The following TRHDE variants were observed in gnomAD, a reference collection of about 807,000 sequenced individuals.
The protein encoded by TRHDE is thyrotropin releasing hormone degrading enzyme, also known as thyrotropin-releasing hormone-degrading ectoenzyme.
Under a neutral mutation model 125.7 loss-of-function variants are expected in TRHDE, and 72 were observed. The ratio of observed to expected loss-of-function variants is 0.57; its 90% confidence interval spans 0.47 to 0.70. TRHDE has a LOEUF of 0.70. Among genes scored for constraint, TRHDE ranks in the 30% least tolerant of loss-of-function variants. The pLI is 0.00. For synonymous variants in TRHDE, 509 were observed against 509.1 expected, an observed-to-expected ratio of 1.00 and a Z score of 0.00; for missense variants, 1,110 against 1,327.1, an observed-to-expected ratio of 0.84 and a Z score of 2.54.
At chr12:72,208,972 C>T (rs1295997036) in intron 2 of TRHDE, among the ~76,000 whole-genome samples, 1 of 152,158 alleles carries the variant, frequency 6.6e-6, no homozygotes, top group Non-Finnish European at 1.5e-5. Context: ...GCTCCTATGC[C>T]ATAGATAATC....
rs1875197722 is a variant in TRHDE, at chr12:72,669,491, C to T, written c.*6296C>T. ...GTGAAACGTTTTATAGAAAATATTA[C>T]AGTGGAGTTAAGAACATCTGCCTCA... On this transcript the variant is annotated 3_prime_UTR_variant, in exon 19 of 19. Coordinates refer to ENST00000261180, the MANE Select transcript of TRHDE (RefSeq NM_013381.3). The T allele has an allele frequency of 6.6e-6, 1 of 151,704 alleles. No individual in the cohort carries two copies. Among genetic ancestry groups the T allele is most frequent in the African/African-American group, 2.4e-5 (1 of 41,368 alleles). The allele number at this position is 151,704 out of a possible 1,614,324, so 9.4% of individuals were successfully genotyped here.
chr12:72,416,383 C>A (rs936582416), intron 3 of TRHDE, among the ~76,000 whole-genome samples: 1 of 151,952 alleles, frequency 6.6e-6, no homozygotes, highest in Non-Finnish European at 1.5e-5. Flanking sequence ...TGTGCAGAAG[C>A]TTTTTGGCTT....
chr12:72,635,211 G>A (rs376630242), intron 15 of TRHDE, among the ~76,000 whole-genome samples: 2 of 151,980 alleles, frequency 1.3e-5, no homozygotes. Context: ...GTGTGAGATG[G>A]TATCTCATTG....
intron 18 of TRHDE, among the ~76,000 whole-genome samples, chr12:72,662,137 T>G (rs925415337): frequency 6.6e-6 from 1 of 152,172 alleles, no homozygotes; most frequent in African/African-American, 2.4e-5. Flanking sequence ...CTGGCATATC[T>G]TCCATGTGGT....
In TRHDE at chr12:72,313,638, G is replaced by C. The variant is rs1198689439; in HGVS notation, c.1188+26684G>C. Among the ~76,000 whole-genome samples, 4 of 152,240 alleles carry C rather than the reference G, an allele frequency of 2.6e-5. No individual in the cohort carries two copies. The East Asian group carries it at 7.7e-4, about 29-fold the overall frequency. ...TTTAAGCAAAGTGTAGAAGCTTTTA[G>C]AATAAGTAATCTTAACAAAGTATGG... On this transcript the variant is annotated intron_variant, in intron 2 of 18. Coordinates refer to ENST00000261180, the MANE Select transcript of TRHDE (RefSeq NM_013381.3).
chr12:72,442,737 A>G (rs1875076566), intron 3 of TRHDE, among the ~76,000 whole-genome samples: 2 of 151,884 alleles, frequency 1.3e-5, no homozygotes, highest in South Asian at 2.1e-4. Context: ...TTCATGTCTC[A>G]ATTGTTTGTG....
chr12:72,088,422 T>C (rs1203908085), intron 1 of TRHDE, among the ~76,000 whole-genome samples: 2 of 152,022 alleles, frequency 1.3e-5, no homozygotes, highest in Non-Finnish European at 2.9e-5. Context: ...TGTTTGACAA[T>C]GGGCATTTGA....
intron 2 of TRHDE, among the ~76,000 whole-genome samples, chr12:72,265,453 A>T (rs772268489): frequency 8.6e-5 from 13 of 151,882 alleles, no homozygotes; most frequent in Non-Finnish European, 1.3e-4. Context: ...TTAAAGAGGT[A>T]TGGAGGATTC....
Position 72,372,486 on chromosome 12 carries a change from A to T in TRHDE, c.1189-5509A>T, listed in dbSNP as rs1467719324. ...GCCCATGCCTATGTCCTGAATGGTA[A>T]TGCCTAGGTTTTCTTCTAGGGTTTT... On this transcript the variant is annotated intron_variant, in intron 2 of 18. Coordinates refer to ENST00000261180, the MANE Select transcript of TRHDE (RefSeq NM_013381.3). Among the ~76,000 whole-genome samples, 4 of 152,082 alleles carry T rather than the reference A, an allele frequency of 2.6e-5. No individual in the cohort carries two copies. The East Asian group carries it at 5.8e-4, about 22-fold the overall frequency.
chr12:72,234,310 G>A (rs937087109), intron 2 of TRHDE, among the ~76,000 whole-genome samples: 1 of 152,044 alleles, frequency 6.6e-6, no homozygotes, highest in African/African-American at 2.4e-5. Flanking sequence ...ATCAACAGCT[G>A]TTACACCTCC....
At chr12:72,542,846 G>A (rs1383678565) in intron 7 of TRHDE, among the ~76,000 whole-genome samples, 1 of 151,042 alleles carries the variant, frequency 6.6e-6, no homozygotes, top group Non-Finnish European at 1.5e-5. Context: ...TAGAAAATAT[G>A]TTTTTCTTAA....
At chr12:72,581,302 G>A (rs1345479927) in intron 12 of TRHDE, among the ~76,000 whole-genome samples, 2 of 152,208 alleles carry the variant, frequency 1.3e-5, no homozygotes, top group East Asian at 3.8e-4. Flanking sequence ...CTTTTAACAT[G>A]CTCTGAGTAC....
Position 72,620,259 on chromosome 12 carries a change from T to C in TRHDE, c.2470-849T>C, listed in dbSNP as rs561058506. Among the ~76,000 whole-genome samples the C allele has an allele frequency of 2.0e-5, 3 of 151,144 alleles. No homozygotes were observed. The Admixed American group carries it at 2.0e-4, about 10-fold the overall frequency. Reference sequence around the variant, plus strand: ...TCATTTTTATTGTAATTTCATTGTTTGTATTCCTTGGCAAAATTCAAGAAG... The same window carrying C: ...TCATTTTTATTGTAATTTCATTGTTCGTATTCCTTGGCAAAATTCAAGAAG... On this transcript the variant is annotated intron_variant, in intron 13 of 18. Coordinates refer to ENST00000261180, the MANE Select transcript of TRHDE (RefSeq NM_013381.3).
At chr12:72,430,318 C>CATATAT (rs573385322) in intron 3 of TRHDE, among the ~76,000 whole-genome samples, 1 of 137,212 alleles carries the variant, frequency 7.3e-6, no homozygotes, top group African/African-American at 2.8e-5. Flanking sequence ...TGTATATATA[C>CATATAT]ATGTATACAT....
rs992557854 is a variant in TRHDE at position 72,548,092 on chromosome 12, A to T, written c.1788+5736A>T. Among the ~76,000 whole-genome samples, 9 of 151,784 alleles carry T rather than the reference A, an allele frequency of 5.9e-5. No homozygotes were observed. In the South Asian group the frequency reaches 6.2e-4, roughly 10 times the overall value. On this transcript the variant is annotated intron_variant, in intron 7 of 18. Transcript: ENST00000261180. ...TAAGTAGAGTCCTTACTAGTGTAAC[A>T]TTGGGGTGGAATATATGCAGTGCAA...
intron 12 of TRHDE, among the ~76,000 whole-genome samples, chr12:72,580,809 C>A (rs1273887703): frequency 6.6e-6 from 1 of 152,124 alleles, no homozygotes; most frequent in Non-Finnish European, 1.5e-5. Flanking sequence ...TAAAAGTGAA[C>A]AAGATGCATT....
Position 72,238,305 on chromosome 12 carries a change from T to TA in TRHDE, n.279+132554dup, listed in dbSNP as rs1345448943. ...ATATATATATATATATATATATATA[T>TA]ATATATATATATATATACATATATA... On this transcript the variant is annotated intron_variant and non_coding_transcript_variant, in intron 2 of 4. Transcript: ENST00000548156. Among the ~76,000 whole-genome samples the TA allele has an allele frequency of 7.9e-4, 27 of 34,204 alleles. 1 individual carries two copies. Among genetic ancestry groups the TA allele is most frequent in the East Asian group, 1.5e-3 (2 of 1,320 alleles). The allele number at this position is 34,204 out of a possible 152,430, so 22.4% of individuals were successfully genotyped here. A position where few individuals can be genotyped will look rare whatever the true frequency, so the allele number is the denominator to read the frequency against.
intron 2 of TRHDE, among the ~76,000 whole-genome samples, chr12:72,313,031 C>T (rs1045833879): frequency 1.3e-5 from 2 of 151,948 alleles, no homozygotes; most frequent in Non-Finnish European, 2.9e-5. Context: ...AATATTTTTA[C>T]TCATGTGATA....
At chr12:72,287,852 A>G (rs888926756) in intron 2 of TRHDE, among the ~76,000 whole-genome samples, 1 of 152,134 alleles carries the variant, frequency 6.6e-6, no homozygotes, top group African/African-American at 2.4e-5. Context: ...CCCATGTTGA[A>G]TTAACAATTT....
Sources: gnomAD v4.1 joint callset for allele counts (sites outside exome capture counted in the v4.1 genomes callset) on GRCh38, gnomAD v4.1.1 for gene constraint, MANE v1.5 for transcripts, NCBI Gene and HGNC (gene_info 2026-07-23, HGNC 2026-07-21) for gene names.